Variants in SYNPR observed in about 807,000 individuals in gnomAD.
The protein encoded by SYNPR is synaptoporin.
Under a neutral mutation model 32.9 loss-of-function variants are expected in SYNPR, and 23 were observed. The ratio of observed to expected loss-of-function variants is 0.70; its 90% CI spans 0.50 to 0.99. The LOEUF is 0.99. Ranked by LOEUF, SYNPR falls within the 50% of genes least tolerant of loss-of-function variation. The pLI is 0.00. For missense variants in SYNPR, 318 were observed against 349.3 expected, an observed-to-expected ratio of 0.91 and a Z score of 0.71; for synonymous variants, 146 against 135.9, an observed-to-expected ratio of 1.07 and a Z score of -0.52.
chr3:63,290,974 A>C (rs1275290477), intron 2 of SYNPR, among the ~76,000 whole-genome samples: 1 of 152,210 alleles, frequency 6.6e-6, no homozygotes, highest in African/African-American at 2.4e-5. Context: ...TAGAAGAGTT[A>C]GATTGGCATG....
At chr3:63,451,345 G>A (rs1211586234) in intron 2 of SYNPR, among the ~76,000 whole-genome samples, 2 of 152,104 alleles carry the variant, frequency 1.3e-5, no homozygotes, top group African/African-American at 4.8e-5. Flanking sequence ...TTATGGGATG[G>A]GTTTAAAGTA....
intron 2 of SYNPR, among the ~76,000 whole-genome samples, chr3:63,310,008 C>T (rs1351320104): frequency 2.6e-5 from 4 of 151,884 alleles, no homozygotes; most frequent in Non-Finnish European, 5.9e-5. Context: ...CACTCTTCAG[C>T]CCTCAGGCTG....
At chr3:63,458,436 A>T (rs1412574795) in intron 2 of SYNPR, among the ~76,000 whole-genome samples, 1 of 152,076 alleles carries the variant, frequency 6.6e-6, no homozygotes, top group Non-Finnish European at 1.5e-5. Flanking sequence ...GTTCTTTCTA[A>T]GGATTAGCTA....
At chr3:63,535,959 C>G (rs977085038) in intron 3 of SYNPR, among the ~76,000 whole-genome samples, 5 of 151,906 alleles carry the variant, frequency 3.3e-5, no homozygotes, top group Non-Finnish European at 7.4e-5. Context: ...ATTTTAAAAA[C>G]ATTTGTATTT....
chr3:63,467,162 C>A (rs1362786393), intron 2 of SYNPR, among the ~76,000 whole-genome samples: 1 of 152,138 alleles, frequency 6.6e-6, no homozygotes, highest in African/African-American at 2.4e-5. Context: ...AGGCGCATGC[C>A]ACCCAGCTGA....
At chr3:63,233,259 TCTAG>T (rs1222526976) in intron 1 of SYNPR, among the ~76,000 whole-genome samples, 1 of 152,224 alleles carries the variant, frequency 6.6e-6, no homozygotes, top group Non-Finnish European at 1.5e-5. Flanking sequence ...AAACCACTGT[TCTAG>T]CTCCCTGGAA....
At chr3:63,567,549 G>T (rs1702812554) in intron 4 of SYNPR, among the ~76,000 whole-genome samples, 1 of 152,146 alleles carries the variant, frequency 6.6e-6, no homozygotes, top group African/African-American at 2.4e-5. Context: ...CTTCATTGGG[G>T]TCTCAGCAGC....
chr3:63,596,739 A>G (rs1338083819), intron 4 of SYNPR, among the ~76,000 whole-genome samples: 2 of 152,140 alleles, frequency 1.3e-5, no homozygotes, highest in East Asian at 3.9e-4. Context: ...TTAGCTTTGG[A>G]CCATCTCAGA....
intron 2 of SYNPR, among the ~76,000 whole-genome samples, chr3:63,423,295 G>C (rs1699832391): frequency 1.3e-5 from 2 of 152,104 alleles, no homozygotes; most frequent in Non-Finnish European, 2.9e-5. Context: ...GGTGGATATT[G>C]AGCGACTGTT....
intron 4 of SYNPR, among the ~76,000 whole-genome samples, chr3:63,586,867 C>T (rs980775441): frequency 3.9e-5 from 6 of 151,938 alleles, no homozygotes; most frequent in Admixed American, 6.6e-5. Flanking sequence ...CATTCTCCTA[C>T]GCAAAACTTC....
intron 4 of SYNPR, among the ~76,000 whole-genome samples, chr3:63,557,251 C>T (rs1702610768): frequency 6.6e-6 from 1 of 152,118 alleles, no homozygotes; most frequent in Admixed American, 6.6e-5. Flanking sequence ...AACACACATA[C>T]ACCTAGGGGG....
intron 2 of SYNPR, among the ~76,000 whole-genome samples, chr3:63,423,155 C>G (rs769918266): frequency 1.7e-4 from 26 of 152,114 alleles, no homozygotes; most frequent in Non-Finnish European, 2.2e-4. Context: ...AATACACATT[C>G]ATGACTTTGG....
rs1276362405 is a variant in SYNPR, at chr3:63,309,670, A to G, written c.84+30928A>G. ...TGGCTGGTGACCCCAGCCCTGTGTG[A>G]GCATCAGATATTCCCCCATCTAATC... On this transcript the variant is annotated intron_variant, in intron 2 of 5. Coordinates refer to ENST00000478300, the MANE Select transcript of SYNPR (RefSeq NM_001130003.2). 3.3e-5 allele frequency among the ~76,000 whole-genome samples: 5 copies of G among 151,954 alleles called. No individual in the cohort carries two copies. In the East Asian group the frequency reaches 9.9e-4, roughly 30 times the overall value.
intron 2 of SYNPR, among the ~76,000 whole-genome samples, chr3:63,262,654 G>T (rs531611798): frequency 1.8e-4 from 28 of 152,238 alleles, no homozygotes; most frequent in African/African-American, 6.7e-4. Flanking sequence ...GATGGGGACC[G>T]TGCCAAAGCC....
intron 2 of SYNPR, chr3:63,452,154 T>C (rs1402255966): frequency 1.4e-6 from 1 of 701,144 alleles, no homozygotes. Context: ...ATTCATTTGT[T>C]CGTATGTTCA....
intron 4 of SYNPR, among the ~76,000 whole-genome samples, chr3:63,582,337 A>C (rs1294420965): frequency 6.6e-6 from 1 of 152,070 alleles, no homozygotes; most frequent in African/African-American, 2.4e-5. Context: ...TTAGTAGCTA[A>C]TTCCTTTTTC....
intron 2 of SYNPR, among the ~76,000 whole-genome samples, chr3:63,286,127 C>A (rs1018969331): frequency 6.6e-6 from 1 of 152,174 alleles, no homozygotes; most frequent in Non-Finnish European, 1.5e-5. Context: ...CTGTGGAGGG[C>A]CCTCAAACTG....
chr3:63,482,423 G>A (rs753412987), intron 3 of SYNPR, among the ~76,000 whole-genome samples: 2 of 152,092 alleles, frequency 1.3e-5, no homozygotes, highest in South Asian at 2.1e-4. Context: ...AAATAGACAT[G>A]AGTCACTGAG....
At chr3:63,472,449 A>G (rs900724945) in intron 2 of SYNPR, among the ~76,000 whole-genome samples, 4 of 152,188 alleles carry the variant, frequency 2.6e-5, no homozygotes, top group Non-Finnish European at 5.9e-5. Context: ...GGAGACTGAC[A>G]CAGAAAACTA....
Sources: gnomAD v4.1 joint callset for allele counts (sites outside exome capture counted in the v4.1 genomes callset) on GRCh38, gnomAD v4.1.1 for gene constraint, MANE v1.5 for transcripts, NCBI Gene and HGNC (gene_info 2026-07-23, HGNC 2026-07-21) for gene names.